The following AKAP19 variants were observed in gnomAD, a reference collection of about 807,000 sequenced individuals.
The protein encoded by AKAP19 is small A-kinase anchoring protein.
the AKAP19 span, among the ~76,000 whole-genome samples, chr2:190,168,676 C>T: frequency 6.6e-6 from 1 of 152,186 alleles, no homozygotes; most frequent in Non-Finnish European, 1.5e-5. Flanking sequence ...TCATCTCTTT[C>T]AAGTTCAAAG....
the AKAP19 span, among the ~76,000 whole-genome samples, chr2:190,198,719 A>AGAAT: frequency 1.3e-5 from 2 of 151,256 alleles, no homozygotes; most frequent in Admixed American, 6.6e-5. Flanking sequence ...AAACTAAGAT[A>AGAAT]CAATCAGGGA....
the AKAP19 span, among the ~76,000 whole-genome samples, chr2:189,924,400 C>T: frequency 6.6e-6 from 1 of 152,212 alleles, no homozygotes; most frequent in Non-Finnish European, 1.5e-5. Context: ...CCCATTTTCA[C>T]TTCCTTTGAC....
the AKAP19 span, among the ~76,000 whole-genome samples, chr2:189,994,073 C>G: frequency 2.3e-4 from 35 of 150,154 alleles, 1 homozygote; most frequent in East Asian, 5.7e-3. Context: ...TGCACTGGCG[C>G]GATCTCAGCT....
chr2:190,193,733 G>C, the AKAP19 span, among the ~76,000 whole-genome samples: 12 of 152,126 alleles, frequency 7.9e-5, no homozygotes, highest in Non-Finnish European at 1.2e-4. Flanking sequence ...TCTGTATAGA[G>C]ATGTATCTAT....
At chr2:190,047,585 C>T in the AKAP19 span, among the ~76,000 whole-genome samples, 1 of 152,224 alleles carries the variant, frequency 6.6e-6, no homozygotes, top group South Asian at 2.1e-4. Context: ...TTATTCCTCT[C>T]CCCTTCTCTC....
chr2:189,967,223 A>G, the AKAP19 span, among the ~76,000 whole-genome samples: 1 of 152,210 alleles, frequency 6.6e-6, no homozygotes, highest in South Asian at 2.1e-4. Context: ...GCAGAGAAAC[A>G]AGATAGAAGA....
the AKAP19 span, among the ~76,000 whole-genome samples, chr2:190,128,071 G>T: frequency 6.6e-6 from 1 of 152,152 alleles, no homozygotes; most frequent in African/African-American, 2.4e-5. Context: ...TGTGAGGGTG[G>T]CACTCAATGT....
chr2:190,094,285 G>A, the AKAP19 span, among the ~76,000 whole-genome samples: 2 of 152,174 alleles, frequency 1.3e-5, no homozygotes, highest in South Asian at 2.1e-4. Context: ...GCTGTTTAAA[G>A]CATTCCCCTA....
At chr2:190,030,456 G>T in the AKAP19 span, among the ~76,000 whole-genome samples, 1 of 152,132 alleles carries the variant, frequency 6.6e-6, no homozygotes, top group African/African-American at 2.4e-5. Context: ...TTCTGTCCTT[G>T]TTCTCTTCTT....
At chr2:189,893,265 A>G in the AKAP19 span, among the ~76,000 whole-genome samples, 16 of 152,168 alleles carry the variant, frequency 1.1e-4, no homozygotes, top group Admixed American at 2.6e-4. Context: ...CCACTGGGGT[A>G]TGAAAGAAAA....
At chr2:190,058,701 G>A in the AKAP19 span, among the ~76,000 whole-genome samples, 2 of 151,978 alleles carry the variant, frequency 1.3e-5, no homozygotes, top group Non-Finnish European at 2.9e-5. Context: ...AATGTCTTTT[G>A]CAGCAAATTA....
the AKAP19 span, among the ~76,000 whole-genome samples, chr2:190,111,072 G>A: frequency 6.6e-6 from 1 of 152,102 alleles, no homozygotes; most frequent in Non-Finnish European, 1.5e-5. Flanking sequence ...TGTGCCAAGG[G>A]CAGGTGATTT....
At chr2:189,980,926 T>C in the AKAP19 span, among the ~76,000 whole-genome samples, 3 of 152,222 alleles carry the variant, frequency 2.0e-5, no homozygotes, top group African/African-American at 7.2e-5. Flanking sequence ...TATTGAGACT[T>C]CCTTTATGAC....
the AKAP19 span, among the ~76,000 whole-genome samples, chr2:189,921,429 G>A: frequency 6.6e-6 from 1 of 152,168 alleles, no homozygotes; most frequent in Non-Finnish European, 1.5e-5. Context: ...AGTTATTGGT[G>A]AATTTGTCAA....
chr2:189,929,464 A>G, the AKAP19 span, among the ~76,000 whole-genome samples: 6 of 152,192 alleles, frequency 3.9e-5, no homozygotes, highest in African/African-American at 1.4e-4. Flanking sequence ...TTGATTTTCA[A>G]TTATCACCAT....
the AKAP19 span, among the ~76,000 whole-genome samples, chr2:190,074,739 A>T: frequency 6.6e-6 from 1 of 151,916 alleles, no homozygotes; most frequent in South Asian, 2.1e-4. Flanking sequence ...ATTTTAACTT[A>T]GGCCGTTAAG....
At chr2:189,923,609 C>A in the AKAP19 span, 1 of 1,614,028 alleles carries the variant, frequency 6.2e-7, no homozygotes, top group Non-Finnish European at 8.5e-7. Context: ...AAAAGTGAAC[C>A]GAGGAAAAGC....
the AKAP19 span, among the ~76,000 whole-genome samples, chr2:189,980,828 T>C: frequency 6.6e-6 from 1 of 152,188 alleles, no homozygotes; most frequent in African/African-American, 2.4e-5. Flanking sequence ...ATTTTTGTGG[T>C]TTTGAGAGTT....
chr2:189,930,928 T>C, the AKAP19 span: 1 of 715,564 alleles, frequency 1.4e-6, no homozygotes. Flanking sequence ...CTTAGTTCCC[T>C]CGCTAAAGCT....
Sources: gnomAD v4.1 joint callset for allele counts (sites outside exome capture counted in the v4.1 genomes callset) on GRCh38, gnomAD v4.1.1 for gene constraint, MANE v1.5 for transcripts, NCBI Gene and HGNC (gene_info 2026-07-23, HGNC 2026-07-21) for gene names.